SOX5: variants seen among roughly 807,000 people sequenced by gnomAD.
SOX5 encodes the protein SRY-box transcription factor 5, also known as transcription factor SOX-5.
In SOX5, 9 loss-of-function variants were observed where a neutral mutation model predicts 92.0. The observed-to-expected ratio is 0.10, with a 90% CI of 0.06 to 0.17. The LOEUF is 0.17. Among genes scored for constraint, SOX5 ranks in the 10% least tolerant of loss-of-function variants. SOX5 has a pLI of 1.00. For synonymous variants in SOX5, 344 were observed against 336.3 expected (o/e 1.02, Z -0.25); for missense variants, 642 against 944.5 (o/e 0.68, Z 4.20).
chr12:24,296,820 A>AAC (rs397850428), intron 2 of SOX5, among the ~76,000 whole-genome samples: 3 of 119,056 alleles, frequency 2.5e-5, no homozygotes, highest in African/African-American at 7.8e-5. Context: ...ATTGTTCTTA[A>AAC]AAAAAAAAAA....
At chr12:24,539,674 A>C (rs1435601140) in intron 1 of SOX5, among the ~76,000 whole-genome samples, 3 of 152,072 alleles carry the variant, frequency 2.0e-5, no homozygotes, top group Non-Finnish European at 4.4e-5. Flanking sequence ...CTACTCACCT[A>C]AGTCTCTCTG....
At chr12:23,565,213 T>C (rs1205028185) in intron 10 of SOX5, among the ~76,000 whole-genome samples, 1 of 152,236 alleles carries the variant, frequency 6.6e-6, no homozygotes, top group Non-Finnish European at 1.5e-5. Context: ...AAGATGGTTG[T>C]ATTTTATTAT....
At chr12:23,547,482 A>G (rs1943362742) in intron 11 of SOX5, among the ~76,000 whole-genome samples, 1 of 152,140 alleles carries the variant, frequency 6.6e-6, no homozygotes, top group South Asian at 2.1e-4. Context: ...AAAGTAATCA[A>G]TGATGTAAGA....
chr12:23,886,156 G>A (rs2097061974), intron 2 of SOX5, among the ~76,000 whole-genome samples: 1 of 151,932 alleles, frequency 6.6e-6, no homozygotes, highest in Admixed American at 6.6e-5. Context: ...CTATTGAATT[G>A]TTTTAATATT....
At chr12:24,266,573 T>C (rs901132535) in intron 3 of SOX5, among the ~76,000 whole-genome samples, 6 of 152,240 alleles carry the variant, frequency 3.9e-5, no homozygotes, top group Non-Finnish European at 8.8e-5. Flanking sequence ...TACTTGATGA[T>C]TTATAAAAAT....
chr12:24,255,595 A>G (rs1189155222), intron 3 of SOX5, among the ~76,000 whole-genome samples: 1 of 152,192 alleles, frequency 6.6e-6, no homozygotes, highest in Non-Finnish European at 1.5e-5. Flanking sequence ...ATTGTTTCCA[A>G]TTAAAGCAGC....
chr12:24,134,168 G>A (rs7300070), intron 4 of SOX5, among the ~76,000 whole-genome samples: 136,646 of 152,166 alleles, frequency 0.9, 61,708 homozygotes, highest in Non-Finnish European at 0.95. Flanking sequence ...AACAATATAT[G>A]ATTTCAGCTG....
intron 2 of SOX5, among the ~76,000 whole-genome samples, chr12:24,303,300 A>G (rs944899060): frequency 1.3e-5 from 2 of 152,020 alleles, no homozygotes; most frequent in East Asian, 1.9e-4. Flanking sequence ...CCCAAAAGTT[A>G]ATAGCATATT....
chr12:23,562,039 T>C (rs374983458), intron 11 of SOX5, among the ~76,000 whole-genome samples: 3 of 152,306 alleles, frequency 2.0e-5, no homozygotes, highest in Non-Finnish European at 1.5e-5. Context: ...GTTTAAATAT[T>C]TGAATATAAA....
intron 2 of SOX5, among the ~76,000 whole-genome samples, chr12:24,304,972 C>T (rs1426658326): frequency 6.6e-6 from 1 of 152,066 alleles, no homozygotes; most frequent in Non-Finnish European, 1.5e-5. Context: ...ACTGAATAAC[C>T]TAGGGGCACC....
chr12:24,318,775 T>C (rs1466255206), intron 2 of SOX5, among the ~76,000 whole-genome samples: 7 of 152,206 alleles, frequency 4.6e-5, no homozygotes, highest in Non-Finnish European at 2.9e-5. Context: ...ATTACCCAGA[T>C]ACAACCCAGT....
intron 2 of SOX5, among the ~76,000 whole-genome samples, chr12:24,340,671 C>T (rs1267247977): frequency 1.3e-5 from 2 of 152,182 alleles, no homozygotes; most frequent in Non-Finnish European, 2.9e-5. Context: ...GAGTCCAGCA[C>T]TCTTTTTAGC....
intron 1 of SOX5, among the ~76,000 whole-genome samples, chr12:23,938,827 A>G (rs1408911894): frequency 1.3e-5 from 2 of 151,076 alleles, no homozygotes; most frequent in African/African-American, 2.4e-5. Flanking sequence ...TACATTTAAA[A>G]CAATTATATT....
intron 3 of SOX5, among the ~76,000 whole-genome samples, chr12:23,762,186 T>C (rs2094579214): frequency 6.6e-6 from 1 of 152,114 alleles, no homozygotes; most frequent in South Asian, 2.1e-4. Context: ...AACAGTCCCC[T>C]TAGTCAAGTA....
At chr12:24,246,861 TA>T (rs1938868625) in intron 3 of SOX5, among the ~76,000 whole-genome samples, 1 of 151,392 alleles carries the variant, frequency 6.6e-6, no homozygotes, top group African/African-American at 2.4e-5. Flanking sequence ...AAATACAAAA[TA>T]AAAAGACAAG....
chr12:23,946,655 G>C (rs1047679662), intron 1 of SOX5, among the ~76,000 whole-genome samples: 1 of 151,800 alleles, frequency 6.6e-6, no homozygotes, highest in Non-Finnish European at 1.5e-5. Context: ...GAGACTTCGG[G>C]CGTTCATTCT....
At chr12:23,984,210 G>C (rs1949855394) in intron 4 of SOX5, among the ~76,000 whole-genome samples, 1 of 152,088 alleles carries the variant, frequency 6.6e-6, no homozygotes, top group African/African-American at 2.4e-5. Flanking sequence ...CACAATCCTT[G>C]CCATAAAGAA....
intron 1 of SOX5, among the ~76,000 whole-genome samples, chr12:23,903,785 A>C (rs1368997802): frequency 6.6e-6 from 1 of 152,216 alleles, no homozygotes; most frequent in Non-Finnish European, 1.5e-5. Flanking sequence ...TGTTGTAATT[A>C]AGGTTGTTGT....
chr12:24,203,564 A>G (rs948332696), intron 4 of SOX5, among the ~76,000 whole-genome samples: 2 of 152,220 alleles, frequency 1.3e-5, no homozygotes, highest in Non-Finnish European at 2.9e-5. Flanking sequence ...ATCTAAGATA[A>G]AAATCTAATA....
Sources: allele counts gnomAD v4.1 joint callset (sites outside exome capture counted in the v4.1 genomes callset), GRCh38; gene constraint gnomAD v4.1.1; transcripts MANE v1.5; gene names NCBI Gene and HGNC (gene_info 2026-07-23, HGNC 2026-07-21).